LARGE2: variants seen among roughly 807,000 people sequenced by gnomAD.
LARGE2 encodes the protein LARGE xylosyl- and glucuronyltransferase 2.
LARGE2 carries 63 observed loss-of-function variants against 75.3 expected under a neutral mutation model. That is an observed-to-expected ratio of 0.84 (90% CI 0.68 to 1.03). LARGE2 has a LOEUF of 1.03. Ranked by LOEUF, LARGE2 falls within the 50% of genes least tolerant of loss-of-function variation. LARGE2 has a pLI of 0.00. For missense variants in LARGE2, 925 were observed against 980.6 expected (o/e 0.94, Z 0.76); for synonymous variants, 428 against 420.1 (o/e 1.02, Z -0.23).
At chr11:45,924,331 C>G in intron 4 of LARGE2, 54 bp downstream of exon 4, 1 of 1,598,746 alleles carries the variant, frequency 6.3e-7, no homozygotes, top group Non-Finnish European at 8.5e-7. Flanking sequence ...GCTCTCCTCT[C>G]TCCAAGACCT....
Position 45,926,059 on chromosome 11 carries a change from G to A in LARGE2, c.790G>A (p.Asp264Asn). 13 of 1,558,370 alleles carry A rather than the reference G, an allele frequency of 8.3e-6. No individual in the cohort carries two copies. Among genetic ancestry groups the A allele is most frequent in the Admixed American group, 1.9e-5 (1 of 51,842 alleles). ...GGCAGGTGTGATCCTGCTGCGGCTGGACCGGCTCCGGCAGGCTGGCTGGGA... is the reference window on the plus strand; with the variant it reads ...GGCAGGTGTGATCCTGCTGCGGCTGAACCGGCTCCGGCAGGCTGGCTGGGA... ...FNTGVILLRL[D>N]RLRQAGWEQM... is the part of the protein sequence containing the mutation. Residue 264 changes from aspartate (D) to asparagine (N), a missense_variant, in exon 7 of 14, where the codon GAC becomes AAC. By Grantham distance (23) the Asp-to-Asn change is conservative (BLOSUM62 1). This residue lies in a region of LARGE2 where 453 missense variants were observed against 460.2 expected (regional missense o/e 0.98). Coordinates refer to ENST00000401752, the MANE Select transcript of LARGE2 (RefSeq NM_001300721.2).
chr11:45,922,850 C>A lies in LARGE2; in HGVS notation c.-33C>A. 1 of 1,244,500 alleles carries A rather than the reference C, an allele frequency of 8.0e-7. No individual in the cohort carries two copies. Among genetic ancestry groups the A allele is most frequent in the South Asian group, 3.4e-5 (1 of 29,400 alleles). The allele number at this position is 1,244,500 out of a possible 1,614,324, so 77.1% of individuals were successfully genotyped here. On this transcript the variant is annotated 5_prime_UTR_variant, in exon 2 of 14. Coordinates refer to ENST00000401752, the MANE Select transcript of LARGE2 (RefSeq NM_001300721.2). Reference sequence around the variant, plus strand: ...TGCGATGGAGCCTGCAGCCCCGGGTCGCGTCCCTCCCTGAGCGCCCCCGTC... The same window carrying A: ...TGCGATGGAGCCTGCAGCCCCGGGTAGCGTCCCTCCCTGAGCGCCCCCGTC...
At position 45,928,919 on chromosome 11, in the gene LARGE2, A is replaced by G. The variant is rs1271203482; in HGVS notation, c.*74A>G. On this transcript the variant is annotated 3_prime_UTR_variant, in exon 14 of 14. Coordinates refer to ENST00000401752, the MANE Select transcript of LARGE2 (RefSeq NM_001300721.2). ...CAACCTGCCCTCCGCCATCCCTGCT[A>G]TTTAAATTATTTAAGGTCTCTGGGA... is the stretch of plus-strand genomic sequence containing the variant. 2 of 1,553,706 alleles carry G rather than the reference A, an allele frequency of 1.3e-6. No homozygotes were observed. The highest frequency in any genetic ancestry group is 1.7e-6 in the Non-Finnish European group (2 of 1,145,562).
At chr11:45,922,364 T>G, upstream of LARGE2, among the ~76,000 whole-genome samples, 2 of 151,536 alleles carry the variant, frequency 1.3e-5, no homozygotes, top group Non-Finnish European at 3.0e-5. Context: ...CCCCTCCCCT[T>G]GGGGAGTGAG....
Position 45,923,104 on chromosome 11 carries a change from C to T in LARGE2, c.222C>T (p.Ala74=), listed in dbSNP as rs1487579114. Residue 74 remains alanine (A), a synonymous_variant, in exon 2 of 14, where the codon GCC becomes GCT. Coordinates refer to ENST00000401752, the MANE Select transcript of LARGE2 (RefSeq NM_001300721.2). The part of the protein sequence containing the change: ...RAAALDGDPG[A]GPGDHNRSDC... Reference sequence around the variant, plus strand: ...CCGCCCTCGACGGAGACCCGGGGGCCGGCCCCGGGGACCACAACCGCTCCG... The same window carrying T: ...CCGCCCTCGACGGAGACCCGGGGGCTGGCCCCGGGGACCACAACCGCTCCG... 3.6e-6 allele frequency: 5 copies of T among 1,397,442 alleles called. No homozygotes were observed. In the South Asian group the frequency reaches 4.7e-5, roughly 13 times the overall value. 86.6% of individuals were successfully genotyped at this position (1,397,442 alleles called of 1,614,324 possible).
intron 6 of LARGE2, among the ~76,000 whole-genome samples, chr11:45,925,680 AAAATAAGTAAATAAAT>A (rs1387128738): frequency 6.6e-6 from 1 of 151,962 alleles, no homozygotes; most frequent in East Asian, 2.0e-4. Context: ...AAATAAATAA[AAAATAAGTAAATAAAT>A]AAAAAGGATA....
chr11:45,927,412 G>C lies in LARGE2; in HGVS notation c.1423G>C (p.Val475Leu). The C allele has an allele frequency of 6.2e-7, 1 of 1,614,164 alleles. No homozygotes were observed. Among genetic ancestry groups the C allele is most frequent in the Non-Finnish European group, 8.5e-7 (1 of 1,180,044 alleles). The change falls in exon 11 of 14, where the codon GTC (valine) becomes CTC (leucine). Residue 475 changes from valine (V) to leucine (L), a missense_variant. Around this residue, in one of 3 missense-constraint regions of LARGE2, gnomAD observed 469 missense variants for 503.8 expected, o/e 0.93. Coordinates refer to ENST00000401752, the MANE Select transcript of LARGE2 (RefSeq NM_001300721.2). ...DAEAQQFLHF[V>L]EASPVLAARQ... ...AGAAGCTCAGCAGTTCCTGCATTTC[G>C]TCGAGGCCTCACCAGTGCTTGCTGC...
In LARGE2 at chr11:45,927,412, G is replaced by A. The variant is rs780376065; in HGVS notation, c.1423G>A (p.Val475Ile). ...DAEAQQFLHF[V>I]EASPVLAARQ... is the part of the protein sequence containing the mutation. Reference sequence around the variant, plus strand: ...AGAAGCTCAGCAGTTCCTGCATTTCGTCGAGGCCTCACCAGTGCTTGCTGC... The same window carrying A: ...AGAAGCTCAGCAGTTCCTGCATTTCATCGAGGCCTCACCAGTGCTTGCTGC... Residue 475 changes from valine (V) to isoleucine (I), a missense_variant, in exon 11 of 14, where the codon GTC (valine) becomes ATC (isoleucine). Physicochemically the swap from Val to Ile is conservative, Grantham distance 29. Transcript: ENST00000401752. 40 of 1,614,046 alleles carry A rather than the reference G, an allele frequency of 2.5e-5. No individual in the cohort carries two copies. Among genetic ancestry groups the A allele is most frequent in the Middle Eastern group, 3.3e-4 (2 of 6,084 alleles).
chr11:45,928,590 G>C (rs1174659907), intron 13 of LARGE2, 40 bp from the exon 14 acceptor site: 1 of 1,595,240 alleles, frequency 6.3e-7, no homozygotes, highest in Admixed American at 1.7e-5. Context: ...CGCAGGCCAG[G>C]CAAGCCAGGC....
In LARGE2 at chr11:45,928,304, C is replaced by T. The variant is rs375703201; in HGVS notation, c.1882C>T (p.Arg628Cys). ...CGTGGTGGTGCCACGAGACTGTCCC[C>T]GCTATGATCCTCGCTTTGTGGGCTT... ...PYVVVPRDCP[R>C]YDPRFVGFGW... The change falls in exon 13 of 14, where the codon CGC becomes TGC. Residue 628 changes from arginine (R) to cysteine (C), a missense_variant. Physicochemically the swap from Arg to Cys is radical, Grantham distance 180 (BLOSUM62 -3). This residue lies in a region of LARGE2 where 469 missense variants were observed against 503.8 expected (regional missense o/e 0.93). Transcript: ENST00000401752. The T allele has an allele frequency of 1.7e-5, 27 of 1,614,072 alleles. No homozygotes were observed. Among genetic ancestry groups the T allele is most frequent in the Non-Finnish European group, 2.0e-5 (24 of 1,180,054 alleles).
intron 11 of LARGE2, 144 bp downstream of exon 11, chr11:45,927,737 G>A: frequency 7.0e-7 from 1 of 1,433,722 alleles, no homozygotes; most frequent in Non-Finnish European, 9.6e-7. Flanking sequence ...TGTTTCTCTG[G>A]GCTGTCAACA....
rs2087399219 is a variant in LARGE2 at position 45,928,781 on chromosome 11, A to G, written c.2102A>G (p.His701Arg). ...TTCCACCAGGACTTGTCCCGCCACC[A>G]TGGGGCTGCTGCCCTCAAATACCTC... is the stretch of plus-strand genomic sequence containing the variant. The part of the protein sequence containing the change: ...DEFHQDLSRH[H>R]GAAALKYLPA... The change falls in exon 14 of 14, where the codon CAT (histidine) becomes CGT (arginine). Residue 701 changes from histidine (H) to arginine (R), a missense_variant. Transcript: ENST00000401752. 6.2e-7 allele frequency: 1 copy of G among 1,613,896 alleles called. No individual in the cohort carries two copies. Among genetic ancestry groups the G allele is most frequent in the Non-Finnish European group, 8.5e-7 (1 of 1,180,022 alleles).
chr11:45,928,373 G>A lies in LARGE2; in HGVS notation c.1950+1G>A, dbSNP rs1177999031. 2 of 1,612,412 alleles carry A rather than the reference G, an allele frequency of 1.2e-6. No individual in the cohort carries two copies. Among genetic ancestry groups the A allele is most frequent in the Non-Finnish European group, 1.7e-6 (2 of 1,178,926 alleles). On this transcript the variant is annotated splice_donor_variant, in intron 13 of 13. Transcript: ENST00000401752. LOFTEE classifies it high-confidence loss of function. ...CCACATTGTGGAGCTGGATGCCCAG[G>A]TGAGGAGGGCACCTTGCTGCCTCCA...
rs745727741 is a variant in LARGE2 at position 45,926,601 on chromosome 11, A to G, written c.1164+4A>G. On this transcript the variant is annotated splice_donor_region_variant and intron_variant, in intron 9 of 13. Transcript: ENST00000401752. ...GCCCCCACCTGGTGCTGAGCAGGTG[A>G]GAAGGAGTCACCTTCCCCTGCCCCT... 2.5e-6 allele frequency: 4 copies of G among 1,613,902 alleles called. No homozygotes were observed. In the South Asian group the frequency reaches 4.4e-5, roughly 18 times the overall value.
rs558024452 is a variant in LARGE2, at chr11:45,927,502, C to T, written c.1513C>T (p.Arg505Cys). 2.5e-5 allele frequency: 40 copies of T among 1,614,232 alleles called. No individual in the cohort carries two copies. Among genetic ancestry groups the T allele is most frequent in the Middle Eastern group, 3.3e-4 (2 of 6,062 alleles). Residue 505 changes from arginine (R) to cysteine (C), a missense_variant, in exon 11 of 14, where the codon CGC (arginine) becomes TGC (cysteine). By Grantham distance (180) the Arg-to-Cys change is radical. Coordinates refer to ENST00000401752, the MANE Select transcript of LARGE2 (RefSeq NM_001300721.2). Reference sequence around the variant, plus strand: ...GCCCCTATACCCCGTCAACCAGCTTCGCAACGTGGCCTTGGCCCAGGCCCT... The same window carrying T: ...GCCCCTATACCCCGTCAACCAGCTTTGCAACGTGGCCTTGGCCCAGGCCCT... ...EGPLYPVNQLRNVALAQALTP... is the reference protein window; with the variant it reads ...EGPLYPVNQLCNVALAQALTP...
chr11:45,922,294 C>T (rs184737913), upstream of LARGE2, among the ~76,000 whole-genome samples: 742 of 152,290 alleles, frequency 4.9e-3, 3 homozygotes, highest in African/African-American at 0.017. Flanking sequence ...TTCCGGCCCC[C>T]TCCTCCTCCC....
Position 45,925,937 on chromosome 11 carries a change from A to C in LARGE2, c.770-102A>C, listed in dbSNP as rs2087122133. The C allele has an allele frequency of 1.3e-5, 12 of 949,988 alleles. No individual in the cohort carries two copies. In the South Asian group the frequency reaches 1.8e-4, roughly 14 times the overall value. The allele number at this position is 949,988 out of a possible 1,614,324, so 58.8% of individuals were successfully genotyped here. A position where few individuals can be genotyped will look rare whatever the true frequency, so the allele number is the denominator to read the frequency against. On this transcript the variant is annotated intron_variant, in intron 6 of 13. Coordinates refer to ENST00000401752, the MANE Select transcript of LARGE2 (RefSeq NM_001300721.2). ...AGTCCATGATCATGTCTGAACAGTC[A>C]GAAAATACCAATGTCAAAAAACAAA...
rs1349459482 is a variant in LARGE2, at chr11:45,927,451, G to T, written c.1462G>T (p.Ala488Ser). Residue 488 changes from alanine (A) to serine (S), a missense_variant, in exon 11 of 14, where the codon GCC (alanine) becomes TCC (serine). Physicochemically the swap from Ala to Ser is moderately conservative, Grantham distance 99. Transcript: ENST00000401752. ...SPVLAARQDV[A>S]YHVVYREGPL... Reference sequence around the variant, plus strand: ...AGTGCTTGCTGCCCGGCAGGACGTGGCCTACCATGTGGTGTACCGTGAGGG... The same window carrying T: ...AGTGCTTGCTGCCCGGCAGGACGTGTCCTACCATGTGGTGTACCGTGAGGG... The T allele has an allele frequency of 1.2e-6, 2 of 1,614,220 alleles. No individual in the cohort carries two copies. Among genetic ancestry groups the T allele is most frequent in the East Asian group, 2.2e-5 (1 of 44,882 alleles).
In LARGE2 at chr11:45,922,746, G is replaced by A. The variant is rs952500681; in HGVS notation, c.-63+18G>A. On this transcript the variant is annotated intron_variant, in intron 1 of 13. Transcript: ENST00000401752. ...TGGAGCAGGTGAGGGAGGTGGCTCGGCGCGAGCCGCACAACCCGGCCGTCG... is the reference window on the plus strand; with the variant it reads ...TGGAGCAGGTGAGGGAGGTGGCTCGACGCGAGCCGCACAACCCGGCCGTCG... 1.5e-5 allele frequency: 10 copies of A among 672,400 alleles called. 1 individual carries two copies. In the East Asian group the frequency reaches 1.8e-4, roughly 12 times the overall value. The allele number at this position is 672,400 out of a possible 1,614,324, so 41.7% of individuals were successfully genotyped here.
Sources: allele counts gnomAD v4.1 joint callset (sites outside exome capture counted in the v4.1 genomes callset), GRCh38; gene constraint gnomAD v4.1.1; regional missense constraint gnomAD v4.1.1; transcripts MANE v1.5; gene names NCBI Gene and HGNC (gene_info 2026-07-23, HGNC 2026-07-21).